STOX1: variants seen among roughly 807,000 people sequenced by gnomAD.
STOX1 encodes the protein storkhead box 1, also known as storkhead-box protein 1.
STOX1 carries 57 observed loss-of-function variants against 74.8 expected under a neutral mutation model. The ratio of observed to expected loss-of-function variants is 0.76; its 90% CI spans 0.62 to 0.95. The LOEUF (loss-of-function observed/expected upper bound fraction) is 0.95. Among genes scored for constraint, STOX1 ranks in the 40% least tolerant of loss-of-function variants. The probability of loss-of-function intolerance (pLI) is 0.00; values close to 1 mark genes in which losing one functional copy is unlikely to be tolerated. For missense variants in STOX1, 1,010 were observed against 1,117.0 expected (o/e 0.90, Z 1.37); for synonymous variants, 375 against 401.3 (o/e 0.93, Z 0.78).
intron 1 of STOX1, among the ~76,000 whole-genome samples, chr10:68,838,218 T>C (rs546778748): frequency 3.3e-4 from 50 of 152,070 alleles, no homozygotes; most frequent in African/African-American, 1.2e-3. Context: ...AGGCAGGTGC[T>C]ACCACACCCA....
At chr10:68,882,342 A>G (rs1275727908) in intron 2 of STOX1, among the ~76,000 whole-genome samples, 1 of 152,174 alleles carries the variant, frequency 6.6e-6, no homozygotes, top group Non-Finnish European at 1.5e-5. Flanking sequence ...TAAATAAATA[A>G]ATAAATCACA....
intron 1 of STOX1, among the ~76,000 whole-genome samples, chr10:68,854,683 G>A (rs1283519723): frequency 1.3e-5 from 2 of 152,042 alleles, no homozygotes; most frequent in African/African-American, 2.4e-5. Context: ...TACCTGGGGT[G>A]TTTTCTCAAA....
chr10:68,874,486 C>A (rs1395068850), intron 1 of STOX1, among the ~76,000 whole-genome samples: 2 of 152,116 alleles, frequency 1.3e-5, no homozygotes, highest in Admixed American at 6.6e-5. Flanking sequence ...ATATCCTGCC[C>A]TTTTAAGCCA....
chr10:68,842,498 G>T (rs560994377), intron 1 of STOX1, among the ~76,000 whole-genome samples: 1 of 144,750 alleles, frequency 6.9e-6, no homozygotes, highest in African/African-American at 2.6e-5. Context: ...CCTTTTTCTT[G>T]TTGATGCGAG....
chr10:68,875,601 T>C (rs539676291), intron 1 of STOX1, among the ~76,000 whole-genome samples: 50 of 152,348 alleles, frequency 3.3e-4, no homozygotes, highest in Non-Finnish European at 6.0e-4. Context: ...AGAGGCCTTC[T>C]TCTTCAGGCT....
At chr10:68,854,013 T>A (rs1840058329) in intron 1 of STOX1, among the ~76,000 whole-genome samples, 1 of 151,266 alleles carries the variant, frequency 6.6e-6, no homozygotes, top group South Asian at 2.1e-4. Context: ...TTTTTCTTTT[T>A]AGACAGAGTT....
At position 68,884,699 on chromosome 10, in the gene STOX1, C is replaced by T. The variant is rs954553363; in HGVS notation, c.903C>T (p.Tyr301=). The change falls in exon 3 of 4, where the codon TAC becomes TAT. Residue 301 remains tyrosine, a synonymous_variant. Coordinates refer to ENST00000298596, the MANE Select transcript of STOX1 (RefSeq NM_152709.5). ...HICESTKPLP[Y]TRDKEKGKKF... is the part of the protein sequence containing the mutation. ...GTGAGAGCACCAAACCTTTACCATA[C>T]ACAAGAGATAAAGAAAAAGGCAAGA... The T allele has an allele frequency of 3.7e-6, 6 of 1,614,118 alleles. No individual in the cohort carries two copies. In the East Asian group the frequency reaches 1.3e-4, roughly 36 times the overall value.
At chr10:68,867,936 A>C (rs1840449401) in intron 1 of STOX1, among the ~76,000 whole-genome samples, 1 of 152,242 alleles carries the variant, frequency 6.6e-6, no homozygotes, top group African/African-American at 2.4e-5. Context: ...GCTGAAGCAG[A>C]CTCAAATAAG....
At chr10:68,828,325 T>G (rs1839318589) in intron 1 of STOX1, 74 of 1,045,940 alleles carry the variant, frequency 7.1e-5, no homozygotes, top group South Asian at 1.3e-4. Flanking sequence ...AGCGCGGAGC[T>G]CCGCGCTGCA....
At position 68,886,875 on chromosome 10, in the gene STOX1, G is replaced by A. The variant is rs148684494; in HGVS notation, c.2822+257G>A. Among the ~76,000 whole-genome samples, 356 of 151,516 alleles carry A rather than the reference G, an allele frequency of 2.3e-3. 1 individual carries two copies. The highest frequency in any genetic ancestry group is 8.1e-3 in the African/African-American group (334 of 41,274). On this transcript the variant is annotated intron_variant, in intron 3 of 3. Transcript: ENST00000298596. The stretch of plus-strand genomic sequence containing the variant: ...GTGGAGGTTGTAGTGAGCCGAGATC[G>A]TGCCACTGCACTCCAGCCTGGTGAT...
intron 1 of STOX1, among the ~76,000 whole-genome samples, chr10:68,863,917 C>T (rs1382275706): frequency 3.6e-5 from 5 of 140,026 alleles, no homozygotes; most frequent in African/African-American, 8.8e-5. Flanking sequence ...ACAAGTTCTG[C>T]TTGTTTTTTT....
chr10:68,878,962 A>G (rs1589234488), intron 1 of STOX1, among the ~76,000 whole-genome samples: 2 of 152,322 alleles, frequency 1.3e-5, no homozygotes, highest in South Asian at 2.1e-4. Flanking sequence ...ACCCTCTACC[A>G]GTCCAAAGAG....
At chr10:68,853,676 TTTTTTTGTTTTTTG>T (rs779898845) in intron 1 of STOX1, among the ~76,000 whole-genome samples, 2 of 152,044 alleles carry the variant, frequency 1.3e-5, no homozygotes, top group African/African-American at 4.8e-5. Context: ...CCTTTCATTT[TTTTTTTGTTTTTTG>T]TTTTTTGTTT....
rs889076843 is a variant in STOX1 at position 68,828,280 on chromosome 10, G to A, written c.310+347G>A. On this transcript the variant is annotated intron_variant, in intron 1 of 3. Transcript: ENST00000298596. ...GCATCAGGGCGGTGGGTGAGTGCGGGACCCGGAGGGGAGGGGCGTCCCGCG... is the reference window on the plus strand; with the variant it reads ...GCATCAGGGCGGTGGGTGAGTGCGGAACCCGGAGGGGAGGGGCGTCCCGCG... The A allele has an allele frequency of 4.3e-5, 50 of 1,166,642 alleles. No homozygotes were observed. The African/African-American group carries it at 6.3e-4, about 15-fold the overall frequency. The allele number at this position is 1,166,642 out of a possible 1,614,324, so 72.3% of individuals were successfully genotyped here.
intron 3 of STOX1, among the ~76,000 whole-genome samples, chr10:68,887,412 A>G (rs576453654): frequency 6.6e-6 from 1 of 152,032 alleles, no homozygotes; most frequent in South Asian, 2.1e-4. Flanking sequence ...CCTCCCGAGT[A>G]TCTGGGATTA....
At chr10:68,837,857 G>A (rs986907382) in intron 1 of STOX1, among the ~76,000 whole-genome samples, 4 of 152,182 alleles carry the variant, frequency 2.6e-5, no homozygotes, top group African/African-American at 4.8e-5. Flanking sequence ...ACTCCAATAA[G>A]ATACCATCTA....
chr10:68,873,150 C>T (rs1840576643), intron 1 of STOX1, among the ~76,000 whole-genome samples: 1 of 152,068 alleles, frequency 6.6e-6, no homozygotes, highest in Non-Finnish European at 1.5e-5. Context: ...GTTGGGGTTG[C>T]AGGCATCAGC....
chr10:68,842,243 A>G (rs1301182594), intron 1 of STOX1, among the ~76,000 whole-genome samples: 1 of 152,152 alleles, frequency 6.6e-6, no homozygotes. Flanking sequence ...TGGACATCCC[A>G]TAGGTTCATA....
In STOX1 at chr10:68,885,842, A is replaced by G. The variant is rs745605944; in HGVS notation, c.2046A>G (p.Arg682=). ...LDYPVGVNPL[R]QAARQDKDSE... is the part of the protein sequence containing the mutation. ...ACCCAGTTGGCGTGAACCCTTTAAG[A>G]CAAGCTGCAAGACAAGACAAAGACT... is the stretch of plus-strand genomic sequence containing the variant. The change falls in exon 3 of 4, where the codon AGA becomes AGG. Residue 682 remains arginine (R), a synonymous_variant. Coordinates refer to ENST00000298596, the MANE Select transcript of STOX1 (RefSeq NM_152709.5). 2 of 1,614,094 alleles carry G rather than the reference A, an allele frequency of 1.2e-6. No homozygotes were observed. The highest frequency in any genetic ancestry group is 4.5e-5 in the East Asian group (2 of 44,888).
Sources: allele counts gnomAD v4.1 joint callset (sites outside exome capture counted in the v4.1 genomes callset), GRCh38; gene constraint gnomAD v4.1.1; transcripts MANE v1.5; gene names NCBI Gene and HGNC (gene_info 2026-07-23, HGNC 2026-07-21).